C14orf132: variants seen among roughly 807,000 people sequenced by gnomAD.
C14orf132 encodes the protein chromosome 14 open reading frame 132, also known as uncharacterized protein C14orf132.
A neutral mutation model predicts 5.8 loss-of-function variants in C14orf132; 6 were observed. That is an observed-to-expected ratio of 1.03 (90% CI 0.57 to 2.04). The LOEUF (loss-of-function observed/expected upper bound fraction) is 2.04. Ranked by LOEUF, C14orf132 falls within the 30% of genes most tolerant of loss-of-function variation. The probability of loss-of-function intolerance (pLI) is 0.00; values close to 1 mark genes in which losing one functional copy is unlikely to be tolerated. For missense variants in C14orf132, 125 were observed against 115.8 expected, an observed-to-expected ratio of 1.08 and a Z score of -0.37; for synonymous variants, 51 against 49.8, an observed-to-expected ratio of 1.02 and a Z score of -0.10.
intron 1 of C14orf132, among the ~76,000 whole-genome samples, chr14:96,072,807 A>T (rs1446360939): frequency 6.6e-6 from 1 of 152,234 alleles, no homozygotes; most frequent in African/African-American, 2.4e-5. Context: ...CATTGCGGAC[A>T]TCAATAACCT....
At chr14:96,048,167 GAC>G (rs1193172353) in intron 1 of C14orf132, among the ~76,000 whole-genome samples, 2 of 152,124 alleles carry the variant, frequency 1.3e-5, no homozygotes, top group East Asian at 3.9e-4. Context: ...CAGCCTGGGT[GAC>G]AGAGTGAAAC....
chr14:96,054,381 C>T (rs1157139966), intron 1 of C14orf132, among the ~76,000 whole-genome samples: 4 of 152,168 alleles, frequency 2.6e-5, no homozygotes. Context: ...TTGCCACAAG[C>T]CTTGGGATTT....
At chr14:96,040,979 A>T (rs911384455) in intron 1 of C14orf132, among the ~76,000 whole-genome samples, 4 of 152,184 alleles carry the variant, frequency 2.6e-5, no homozygotes, top group Non-Finnish European at 5.9e-5. Flanking sequence ...CTAACCCTGG[A>T]GCTGGCTGGA....
Position 96,076,825 on chromosome 14 carries a change from G to A in C14orf132, c.28-9686G>A, listed in dbSNP as rs77537347. Among the ~76,000 whole-genome samples the A allele has an allele frequency of 5.7e-3, 868 of 152,288 alleles. 6 individuals are homozygous for A. Among genetic ancestry groups the A allele is most frequent in the African/African-American group, 0.02 (834 of 41,546 alleles). On this transcript the variant is annotated intron_variant, in intron 1 of 1. Transcript: ENST00000555004. ...TAAGCACTGCTTTAGTTGCATCAATGCGTGCTGATAACTTGTATTTTCACT... is the reference window on the plus strand; with the variant it reads ...TAAGCACTGCTTTAGTTGCATCAATACGTGCTGATAACTTGTATTTTCACT...
chr14:96,049,034 C>A (rs890436637), intron 1 of C14orf132, among the ~76,000 whole-genome samples: 9 of 152,154 alleles, frequency 5.9e-5, no homozygotes, highest in Non-Finnish European at 1.3e-4. Flanking sequence ...AAGCAATTCT[C>A]CTGCCTCGGC....
At chr14:96,049,527 CACATAT>C (rs1886942049) in intron 1 of C14orf132, among the ~76,000 whole-genome samples, 1 of 132,158 alleles carries the variant, frequency 7.6e-6, no homozygotes, top group Non-Finnish European at 1.6e-5. Flanking sequence ...TATATATATA[CACATAT>C]ATACATACGT....
At position 96,059,570 on chromosome 14, in the gene C14orf132, C is replaced by A. The variant is rs547150223; in HGVS notation, c.27+20043C>A. ...GGCATCCTTGCTGTCAGCCACTGTG[C>A]TGTGCTCACTTGTCACATGGCAGCA... On this transcript the variant is annotated intron_variant, in intron 1 of 1. Transcript: ENST00000555004. Among the ~76,000 whole-genome samples the A allele has an allele frequency of 1.8e-4, 27 of 152,344 alleles. No homozygotes were observed. The South Asian group carries it at 5.6e-3, about 32-fold the overall frequency.
At chr14:96,075,168 T>G (rs1173565846) in intron 1 of C14orf132, among the ~76,000 whole-genome samples, 1 of 152,198 alleles carries the variant, frequency 6.6e-6, no homozygotes, top group Non-Finnish European at 1.5e-5. Context: ...TTTTTTGGTG[T>G]TGTTGTAAAT....
chr14:96,091,324 A>T lies in C14orf132; in HGVS notation c.*4589A>T. 1 of 326,962 alleles carries T rather than the reference A, an allele frequency of 3.1e-6. No individual in the cohort carries two copies. The highest frequency in any genetic ancestry group is 5.9e-6 in the Non-Finnish European group (1 of 168,524). 20.3% of individuals were successfully genotyped at this position (326,962 alleles called of 1,614,324 possible). On this transcript the variant is annotated 3_prime_UTR_variant, in exon 2 of 2. Transcript: ENST00000555004. ...AAGGGGCAGGCGGCAGTGCACAGGG[A>T]TTTATCAGTTCCAGAACCTCACAGT... is the stretch of plus-strand genomic sequence containing the variant.
rs115062146 is a variant in C14orf132 at position 96,088,270 on chromosome 14, G to A, written c.*1535G>A. 1,991 of 152,274 alleles carry A rather than the reference G, an allele frequency of 0.013. 39 individuals are homozygous for A. Among genetic ancestry groups the A allele is most frequent in the African/African-American group, 0.045 (1,889 of 41,558 alleles). 9.4% of individuals were successfully genotyped at this position (152,274 alleles called of 1,614,324 possible). A position where few individuals can be genotyped will look rare whatever the true frequency, so the allele number is the denominator to read the frequency against. On this transcript the variant is annotated 3_prime_UTR_variant, in exon 2 of 2. Coordinates refer to ENST00000555004, the MANE Select transcript of C14orf132 (RefSeq NM_001252507.3). ...GAAGCGGCACTCTTCCCTGGAAGCC[G>A]CCATGTTAATAGGATTACTAGCCTG...
rs1888404084 is a variant in C14orf132, at chr14:96,091,474, C to A, written c.*4739C>A. The A allele has an allele frequency of 1.7e-5, 3 of 177,432 alleles. No individual in the cohort carries two copies. The Admixed American group carries it at 1.7e-4, about 10-fold the overall frequency. The allele number at this position is 177,432 out of a possible 1,614,324, so 11.0% of individuals were successfully genotyped here. ...GGCTCCTGGCCCAGGGGTCCGTGGT[C>A]CAGCACGTTGTGCGTTCAGTGGGAA... On this transcript the variant is annotated 3_prime_UTR_variant, in exon 2 of 2. Transcript: ENST00000555004.
At chr14:96,061,925 G>GATAA (rs764837232) in intron 1 of C14orf132, among the ~76,000 whole-genome samples, 46 of 151,970 alleles carry the variant, frequency 3.0e-4, no homozygotes, top group African/African-American at 9.2e-4. Flanking sequence ...TAAATAAATA[G>GATAA]ATAAATAAAT....
At chr14:96,058,153 T>C (rs1386505292) in intron 1 of C14orf132, among the ~76,000 whole-genome samples, 1 of 152,036 alleles carries the variant, frequency 6.6e-6, no homozygotes, top group East Asian at 1.9e-4. Flanking sequence ...CATGGCTCAC[T>C]TCCTCAGCTC....
intron 1 of C14orf132, among the ~76,000 whole-genome samples, chr14:96,041,303 C>T (rs1340971010): frequency 5.9e-5 from 9 of 152,172 alleles, no homozygotes; most frequent in Admixed American, 2.0e-4. Context: ...AAGTCCATGA[C>T]GGAGGCCCCA....
rs1028023662 is a variant in C14orf132, at chr14:96,086,639, T to G, written c.156T>G (p.Pro52=). The change falls in exon 2 of 2, where the codon CCT becomes CCG. Residue 52 remains proline (P), a synonymous_variant. Transcript: ENST00000555004. ...GCCAGGGCCAGCCGGAAGATCCTCCTCGGTCCTCCAACGACGCCGTCTTGC... is the reference window on the plus strand; with the variant it reads ...GCCAGGGCCAGCCGGAAGATCCTCCGCGGTCCTCCAACGACGCCGTCTTGC... The part of the protein sequence containing the change: ...ANGQGQPEDP[P]RSSNDAVLLW... 609 of 1,536,010 alleles carry G rather than the reference T, an allele frequency of 4.0e-4. No individual in the cohort carries two copies. The highest frequency in any genetic ancestry group is 5.2e-4 in the Non-Finnish European group (602 of 1,146,916).
rs1887771105 is a variant in C14orf132, at chr14:96,073,474, C to T, written c.28-13037C>T. ...GATCATTAGAGAATGCAAATCAAAA[C>T]CACAGTGAGATACCATCTCACGCCA... On this transcript the variant is annotated intron_variant, in intron 1 of 1. Transcript: ENST00000555004. 2.6e-5 allele frequency among the ~76,000 whole-genome samples: 4 copies of T among 152,250 alleles called. No homozygotes were observed. In the South Asian group the frequency reaches 8.3e-4, roughly 32 times the overall value.
intron 1 of C14orf132, among the ~76,000 whole-genome samples, chr14:96,055,353 C>T (rs1244690898): frequency 1.3e-5 from 2 of 152,170 alleles, no homozygotes; most frequent in African/African-American, 4.8e-5. Context: ...TTATCCTGGT[C>T]AGGAAACAGA....
chr14:96,072,894 G>A (rs764753892), intron 1 of C14orf132, among the ~76,000 whole-genome samples: 22 of 152,192 alleles, frequency 1.4e-4, no homozygotes, highest in Non-Finnish European at 2.2e-4. Flanking sequence ...AAAGTCATTC[G>A]CGTTGTTTCC....
At chr14:96,083,043 C>G (rs980832824) in intron 1 of C14orf132, among the ~76,000 whole-genome samples, 4 of 152,178 alleles carry the variant, frequency 2.6e-5, no homozygotes, top group African/African-American at 9.7e-5. Context: ...ACTGACCATC[C>G]TCTTTGGCAG....
Sources: allele counts gnomAD v4.1 joint callset (sites outside exome capture counted in the v4.1 genomes callset), GRCh38; gene constraint gnomAD v4.1.1; transcripts MANE v1.5; gene names NCBI Gene and HGNC (gene_info 2026-07-23, HGNC 2026-07-21).